SYN3: variants seen among roughly 807,000 people sequenced by gnomAD.
SYN3 encodes synapsin-3.
SYN3 carries 35 observed loss-of-function variants against 65.8 expected under a neutral mutation model. That is an observed-to-expected ratio of 0.53 (90% CI 0.41 to 0.70). The LOEUF (loss-of-function observed/expected upper bound fraction) is 0.70. SYN3 is among the 30% of genes least tolerant of loss of function. The pLI is 0.00. For synonymous variants in SYN3, 270 were observed against 292.9 expected, an observed-to-expected ratio of 0.92 and a Z score of 0.80; for missense variants, 680 against 749.0, an observed-to-expected ratio of 0.91 and a Z score of 1.08.
chr22:33,003,793 A>G lies in SYN3; in HGVS notation c.311+2559T>C, dbSNP rs141571418. Among the ~76,000 whole-genome samples, 492 of 152,318 alleles carry G rather than the reference A, an allele frequency of 3.2e-3. 2 individuals are homozygous for G. Among genetic ancestry groups the G allele is most frequent in the African/African-American group, 0.011 (476 of 41,586 alleles). ...GTTTATTACCAAGACAATGGGGAAA[A>G]TGTCTCTAGGGCATGTCAGAGACCT... On this transcript the variant is annotated intron_variant, in intron 2 of 13. Transcript: ENST00000358763.
intron 4 of SYN3, among the ~76,000 whole-genome samples, chr22:32,891,820 T>A (rs1475765765): frequency 1.3e-5 from 2 of 152,164 alleles, no homozygotes; most frequent in African/African-American, 2.4e-5. Context: ...CTAAGCCCTC[T>A]GAGCCTCAGC....
chr22:33,033,806 A>G (rs1333960454), intron 1 of SYN3, among the ~76,000 whole-genome samples: 2 of 152,172 alleles, frequency 1.3e-5, no homozygotes, highest in Admixed American at 6.5e-5. Context: ...ACGAGGGAAC[A>G]GACTTGTCCA....
chr22:32,696,284 C>G (rs775196149), intron 6 of SYN3, among the ~76,000 whole-genome samples: 2 of 152,196 alleles, frequency 1.3e-5, no homozygotes, highest in Non-Finnish European at 2.9e-5. Context: ...TGTTCACATT[C>G]CAGCTTTGAG....
chr22:32,909,137 T>A (rs2049980880), intron 4 of SYN3, among the ~76,000 whole-genome samples: 1 of 152,202 alleles, frequency 6.6e-6, no homozygotes, highest in South Asian at 2.1e-4. Flanking sequence ...TGGGCACCCA[T>A]GAGGGAGGTA....
intron 10 of SYN3, 67 bp downstream of exon 10, chr22:32,533,726 G>T (rs1267120837): frequency 8.9e-7 from 1 of 1,117,714 alleles, no homozygotes; most frequent in Non-Finnish European, 1.3e-6. Context: ...ACCATGCAGG[G>T]ATTCCCTCCC....
At chr22:32,857,387 C>CAAACCCTGGCCTAGA in intron 6 of SYN3, 1 of 1,574,630 alleles carries the variant, frequency 6.4e-7, no homozygotes, top group Non-Finnish European at 8.7e-7. Context: ...GCTTCTAGGC[C>CAAACCCTGGCCTAGA]AGGGTTTGGC....
Position 32,905,923 on chromosome 22 carries a change from G to A in SYN3, c.461+25467C>T, listed in dbSNP as rs112466297. Among the ~76,000 whole-genome samples, 578 of 152,340 alleles carry A rather than the reference G, an allele frequency of 3.8e-3. 4 individuals carry two copies. The highest frequency in any genetic ancestry group is 0.013 in the African/African-American group (545 of 41,566). On this transcript the variant is annotated intron_variant, in intron 4 of 13. Transcript: ENST00000358763. Reference sequence around the variant, plus strand: ...TTGCAGGGCATCCCATGGCAGAGAGGTCGGACATTCACAGAGAGGTGCAGC... The same window carrying A: ...TTGCAGGGCATCCCATGGCAGAGAGATCGGACATTCACAGAGAGGTGCAGC...
chr22:32,739,174 A>AGG (rs201178182), intron 6 of SYN3, among the ~76,000 whole-genome samples: 21,104 of 145,784 alleles, frequency 0.14, 1,841 homozygotes, highest in South Asian at 0.29. Context: ...ATTGAATCAC[A>AGG]GGGGGGGGGC....
chr22:32,609,255 C>T (rs760069772), intron 6 of SYN3, among the ~76,000 whole-genome samples: 3 of 151,768 alleles, frequency 2.0e-5, no homozygotes, highest in Admixed American at 6.6e-5. Context: ...ATCCGGGAGG[C>T]GGAGCTTTCG....
intron 6 of SYN3, among the ~76,000 whole-genome samples, chr22:32,648,798 A>G (rs1040716909): frequency 1.1e-4 from 17 of 152,192 alleles, no homozygotes; most frequent in African/African-American, 3.6e-4. Flanking sequence ...AACAACTAAG[A>G]TGGACAATTA....
intron 6 of SYN3, among the ~76,000 whole-genome samples, chr22:32,853,762 TTTTA>T (rs1293239934): frequency 6.6e-6 from 1 of 152,256 alleles, no homozygotes; most frequent in African/African-American, 2.4e-5. Flanking sequence ...CTAAGCTAAC[TTTTA>T]TTGAATGTTG....
intron 6 of SYN3, among the ~76,000 whole-genome samples, chr22:32,598,170 G>T (rs1441231134): frequency 1.3e-5 from 2 of 152,062 alleles, no homozygotes; most frequent in South Asian, 2.1e-4. Flanking sequence ...TACACTGTGG[G>T]CACCGAAGGA....
At position 32,821,094 on chromosome 22, in the gene SYN3, C is replaced by T. The variant is rs546263445; in HGVS notation, c.711+43821G>A. On this transcript the variant is annotated intron_variant, in intron 6 of 13. Transcript: ENST00000358763. ...ACCCACCGGTGCAATCTCCCAGGCT[C>T]TTCTGAAGGGTTTGGAGAGACAGTG... 2.0e-5 allele frequency among the ~76,000 whole-genome samples: 3 copies of T among 152,148 alleles called. No homozygotes were observed. In the South Asian group the frequency reaches 6.2e-4, roughly 32 times the overall value.
intron 6 of SYN3, among the ~76,000 whole-genome samples, chr22:32,713,313 A>G (rs937843831): frequency 4.6e-5 from 7 of 152,338 alleles, no homozygotes; most frequent in Middle Eastern, 3.4e-3. Context: ...GGCTTTGTAG[A>G]AACTGTTTTA....
intron 3 of SYN3, among the ~76,000 whole-genome samples, chr22:32,959,893 C>T (rs1310604833): frequency 6.6e-6 from 1 of 152,230 alleles, no homozygotes; most frequent in East Asian, 1.9e-4. Flanking sequence ...CCATGCCCAA[C>T]TTCAGATACT....
chr22:32,900,615 T>C (rs572933796), intron 4 of SYN3, among the ~76,000 whole-genome samples: 1 of 150,892 alleles, frequency 6.6e-6, no homozygotes, highest in Non-Finnish European at 1.5e-5. Context: ...AAGTGACATG[T>C]CGGCTTCCCT....
intron 4 of SYN3, among the ~76,000 whole-genome samples, chr22:32,925,322 C>T (rs1037930372): frequency 3.9e-5 from 6 of 152,166 alleles, no homozygotes; most frequent in Non-Finnish European, 5.9e-5. Context: ...ATAACTGCAC[C>T]TTAATCATCA....
chr22:32,886,152 T>C (rs905216844), intron 4 of SYN3, among the ~76,000 whole-genome samples: 2 of 152,172 alleles, frequency 1.3e-5, no homozygotes, highest in Admixed American at 1.3e-4. Context: ...GCTAAGTGTG[T>C]TTACAATGAC....
chr22:32,934,474 A>G (rs1015748774), intron 3 of SYN3, among the ~76,000 whole-genome samples: 1 of 152,236 alleles, frequency 6.6e-6, no homozygotes, highest in African/African-American at 2.4e-5. Context: ...GTTGCAAGGT[A>G]GCCAGCTTCC....
Sources: gnomAD v4.1 joint callset for allele counts (sites outside exome capture counted in the v4.1 genomes callset) on GRCh38, gnomAD v4.1.1 for gene constraint, MANE v1.5 for transcripts, NCBI Gene and HGNC (gene_info 2026-07-23, HGNC 2026-07-21) for gene names.